The following KIF17 variants were observed in gnomAD, a reference collection of about 807,000 sequenced individuals.
KIF17 encodes kinesin family member 17, also known as kinesin-like protein KIF17.
In KIF17, 80 loss-of-function variants were observed where a neutral mutation model predicts 96.8. That is an observed-to-expected ratio of 0.83 (90% CI 0.69 to 1.00). The LOEUF is 1.00. Among genes scored for constraint, KIF17 ranks in the 50% least tolerant of loss-of-function variants. The pLI is 0.00. For missense variants in KIF17, 1,280 were observed against 1,372.9 expected (o/e 0.93, Z 1.07); for synonymous variants, 567 against 587.5 (o/e 0.97, Z 0.51).
In KIF17 at chr1:20,704,844, C is replaced by A. The variant is rs376156995; in HGVS notation, c.726G>T (p.Ala242=). 1 of 1,604,568 alleles carries A rather than the reference C, an allele frequency of 6.2e-7. No individual in the cohort carries two copies. The highest frequency in any genetic ancestry group is 1.3e-5 in the African/African-American group (1 of 75,046). The change falls in exon 5 of 15, where the codon GCG becomes GCT. Residue 242 remains alanine, a synonymous_variant. Coordinates refer to ENST00000400463, the MANE Select transcript of KIF17 (RefSeq NM_001122819.3). This position sits in a 1 kb window ranked among gnomAD's most constrained non-coding sequence, Gnocchi z 6.8. ...RAGKLNLVDL[A]GSERQSKTGA... is the part of the protein sequence containing the mutation. ...CGGTCTTGGACTGCCGCTCGCTGCC[C>A]GCCAGGTCCACCAGGTTCAGCTTGC... is the stretch of plus-strand genomic sequence containing the variant.
Position 20,664,334 on chromosome 1 carries a change from C to T in KIF17, c.*250G>A. 6 of 1,405,784 alleles carry T rather than the reference C, an allele frequency of 4.3e-6. No homozygotes were observed. The highest frequency in any genetic ancestry group is 5.6e-6 in the Non-Finnish European group (6 of 1,080,578). The allele number at this position is 1,405,784 out of a possible 1,614,324, so 87.1% of individuals were successfully genotyped here. A position where few individuals can be genotyped will look rare whatever the true frequency, so the allele number is the denominator to read the frequency against. On this transcript the variant is annotated 3_prime_UTR_variant, in exon 15 of 15. Coordinates refer to ENST00000400463, the MANE Select transcript of KIF17 (RefSeq NM_001122819.3). ...TCTGTGGCAGGTGAGCAGACGGAAA[C>T]ACTGATGTGGTATGAACAGCTGGAG...
In KIF17 at chr1:20,701,615, G is replaced by A. The variant is rs574696129; in HGVS notation, c.1123+2832C>T. Reference sequence around the variant, plus strand: ...GGTTAAGAGGCCAGGGAGCAGGGACGACTCGCCCTTGGGAACTGAGGAGAG... The same window carrying A: ...GGTTAAGAGGCCAGGGAGCAGGGACAACTCGCCCTTGGGAACTGAGGAGAG... On this transcript the variant is annotated intron_variant, in intron 5 of 14. Transcript: ENST00000400463. Among the ~76,000 whole-genome samples the A allele has an allele frequency of 2.0e-4, 30 of 152,210 alleles. No homozygotes were observed. In the South Asian group the frequency reaches 6.0e-3, roughly 31 times the overall value.
At chr1:20,683,654 CA>C (rs968644240) in intron 10 of KIF17, among the ~76,000 whole-genome samples, 21 of 147,040 alleles carry the variant, frequency 1.4e-4, no homozygotes, top group South Asian at 1.3e-3. Context: ...GGCTTCATCT[CA>C]AAAAAAAAAG....
intron 3 of KIF17, among the ~76,000 whole-genome samples, chr1:20,712,526 C>CAT (rs1050256866): frequency 8.5e-6 from 1 of 117,214 alleles, no homozygotes; most frequent in Non-Finnish European, 1.8e-5. Context: ...GAGACCTTGT[C>CAT]ATATATATAT....
At position 20,687,841 on chromosome 1, in the gene KIF17, CACT is replaced by C. The variant is rs1224947779; in HGVS notation, c.1482_1484del (p.Val496del). The C allele has an allele frequency of 1.2e-6, 2 of 1,614,112 alleles. No individual in the cohort carries two copies. Among genetic ancestry groups the C allele is most frequent in the Non-Finnish European group, 1.7e-6 (2 of 1,180,016 alleles). On this transcript the variant is annotated inframe_deletion, in exon 8 of 15. Coordinates refer to ENST00000400463, the MANE Select transcript of KIF17 (RefSeq NM_001122819.3). This position sits in a 1 kb window ranked among gnomAD's most constrained non-coding sequence, Gnocchi z 4.4. ...TCGTGGAGAAGACCTTGGGTTTCACCACTGTCTCATACTGAAAAGCAGGCGGGT... is the reference window on the plus strand; with the variant it reads ...TCGTGGAGAAGACCTTGGGTTTCACCGTCTCATACTGAAAAGCAGGCGGGT...
Position 20,704,321 on chromosome 1 carries a change from G to T in KIF17, c.1123+126C>A. ...AACCAGGGCCCTGCGCTCACATGGG[G>T]CTGAGGGGTGGGAGGATGCTGCTCC... On this transcript the variant is annotated intron_variant, in intron 5 of 14. Transcript: ENST00000400463. The surrounding 1 kb of genome is among the most constrained non-coding windows in gnomAD (Gnocchi z 6.8). 1.3e-6 allele frequency: 1 copy of T among 799,332 alleles called. No homozygotes were observed. Among genetic ancestry groups the T allele is most frequent in the Non-Finnish European group, 2.1e-6 (1 of 474,618 alleles). 49.5% of individuals were successfully genotyped at this position (799,332 alleles called of 1,614,324 possible).
At chr1:20,690,713 G>A (rs943900919) in intron 6 of KIF17, among the ~76,000 whole-genome samples, 1 of 151,272 alleles carries the variant, frequency 6.6e-6, no homozygotes, top group Non-Finnish European at 1.5e-5. Context: ...TTGAGACGGA[G>A]TCTCGCTCTG....
intron 6 of KIF17, among the ~76,000 whole-genome samples, chr1:20,696,879 C>T (rs2054150783): frequency 6.6e-6 from 1 of 152,204 alleles, no homozygotes; most frequent in Non-Finnish European, 1.5e-5. Flanking sequence ...AAAGCCTCCC[C>T]GGGAGCCTCC....
At chr1:20,670,544 AG>A in intron 12 of KIF17, 56 bp from the exon 13 acceptor site, 1 of 1,552,830 alleles carries the variant, frequency 6.4e-7, no homozygotes. Context: ...GGCCTAGAGG[AG>A]GGCACAGGTG....
chr1:20,704,811 C>G lies in KIF17; in HGVS notation c.759G>C (p.Thr253=). 3.1e-6 allele frequency: 5 copies of G among 1,608,076 alleles called. No homozygotes were observed. Among genetic ancestry groups the G allele is most frequent in the Non-Finnish European group, 4.2e-6 (5 of 1,179,820 alleles). The change falls in exon 5 of 15, where the codon ACG becomes ACC. Residue 253 remains threonine (T), a synonymous_variant. Coordinates refer to ENST00000400463, the MANE Select transcript of KIF17 (RefSeq NM_001122819.3). This position sits in a 1 kb window ranked among gnomAD's most constrained non-coding sequence, Gnocchi z 6.8. ...TGGTGGCCTCCTTGAGCCGCTCGCC[C>G]GTGGCCCCGGTCTTGGACTGCCGCT... ...GSERQSKTGA[T]GERLKEATKI...
At position 20,712,693 on chromosome 1, in the gene KIF17, A is replaced by T. The variant is rs1356864444; in HGVS notation, c.480+761T>A. On this transcript the variant is annotated intron_variant, in intron 3 of 14. Transcript: ENST00000400463. Reference sequence around the variant, plus strand: ...ATAGATAATATTATCTATATATAATATAGATAATATTATCTATATATAAAA... The same window carrying T: ...ATAGATAATATTATCTATATATAATTTAGATAATATTATCTATATATAAAA... 5.1e-5 allele frequency among the ~76,000 whole-genome samples: 6 copies of T among 116,740 alleles called. 1 individual carries two copies. In the Admixed American group the frequency reaches 5.3e-4, roughly 10 times the overall value. The allele number at this position is 116,740 out of a possible 152,430, so 76.6% of individuals were successfully genotyped here. A position where few individuals can be genotyped will look rare whatever the true frequency, so the allele number is the denominator to read the frequency against.
intron 13 of KIF17, 109 bp downstream of exon 13, chr1:20,670,312 G>A (rs775456509): frequency 4.5e-5 from 49 of 1,085,004 alleles, no homozygotes; most frequent in Non-Finnish European, 6.6e-5. Context: ...TTAATCCTTA[G>A]GCGGGAGGAA....
intron 6 of KIF17, 26 bp from the exon 7 acceptor site, chr1:20,690,361 G>T: frequency 6.3e-7 from 1 of 1,584,234 alleles, no homozygotes; most frequent in Non-Finnish European, 8.6e-7. Flanking sequence ...GGACCAGAGG[G>T]CAGGCAGCAT....
Position 20,704,428 on chromosome 1 carries a change from T to A in KIF17, c.1123+19A>T. ...CCTGGGGACCTGGCCCTCCCGCCAC[T>A]ACCCCAACGTGGTCCCACCTGACAG... is the stretch of plus-strand genomic sequence containing the variant. On this transcript the variant is annotated intron_variant, in intron 5 of 14. Transcript: ENST00000400463. This position sits in a 1 kb window ranked among gnomAD's most constrained non-coding sequence, Gnocchi z 6.8. 1 of 1,607,572 alleles carries A rather than the reference T, an allele frequency of 6.2e-7. No individual in the cohort carries two copies. The highest frequency in any genetic ancestry group is 8.5e-7 in the Non-Finnish European group (1 of 1,175,398).
intron 5 of KIF17, among the ~76,000 whole-genome samples, chr1:20,703,200 AGATGGAAG>A (rs1029774359): frequency 7.8e-6 from 1 of 128,814 alleles, no homozygotes; most frequent in East Asian, 2.3e-4. Flanking sequence ...GATGGATGGG[AGATGGAAG>A]GATGGAAGGA....
At chr1:20,716,142 G>C (rs2054573841) in intron 1 of KIF17, among the ~76,000 whole-genome samples, 2 of 151,814 alleles carry the variant, frequency 1.3e-5, no homozygotes, top group African/African-American at 4.8e-5. Context: ...CAGCTACTCG[G>C]GAGGCTGAGG....
At chr1:20,713,585 C>T (rs771275546) in intron 2 of KIF17, 30 bp from the exon 3 acceptor site, 2 of 1,563,048 alleles carry the variant, frequency 1.3e-6, no homozygotes, top group South Asian at 1.1e-5. Context: ...AGAACCTAGA[C>T]CTCAGAGCTC....
intron 8 of KIF17, among the ~76,000 whole-genome samples, chr1:20,686,760 C>T (rs1195204691): frequency 1.3e-5 from 2 of 152,152 alleles, no homozygotes; most frequent in African/African-American, 4.8e-5. Context: ...TTCACTTCAC[C>T]ATGTTGGCCA....
intron 3 of KIF17, among the ~76,000 whole-genome samples, chr1:20,712,958 T>A (rs1332767181): frequency 7.4e-6 from 1 of 134,972 alleles, no homozygotes; most frequent in African/African-American, 2.8e-5. Context: ...ATTATCTATA[T>A]TATATATATA....
Sources: allele counts gnomAD v4.1 joint callset (sites outside exome capture counted in the v4.1 genomes callset), GRCh38; gene constraint gnomAD v4.1.1; non-coding constraint Gnocchi (gnomAD v3.1); transcripts MANE v1.5; gene names NCBI Gene and HGNC (gene_info 2026-07-23, HGNC 2026-07-21).